DOCK4: variants seen among roughly 807,000 people sequenced by gnomAD.
DOCK4 encodes the protein dedicator of cytokinesis protein 4.
DOCK4 carries 97 observed loss-of-function variants against 268.1 expected under a neutral mutation model. The observed-to-expected ratio is 0.36, with a 90% CI of 0.31 to 0.43. The LOEUF (loss-of-function observed/expected upper bound fraction) is 0.43. Among genes scored for constraint, DOCK4 ranks in the 20% least tolerant of loss-of-function variants. DOCK4 has a pLI of 1.00. For synonymous variants in DOCK4, 954 were observed against 887.2 expected, an observed-to-expected ratio of 1.08 and a Z score of -1.34; for missense variants, 2,145 against 2,455.7, an observed-to-expected ratio of 0.87 and a Z score of 2.67.
chr7:112,048,034 A>G (rs1186338044), intron 1 of DOCK4, among the ~76,000 whole-genome samples: 1 of 152,150 alleles, frequency 6.6e-6, no homozygotes, highest in East Asian at 1.9e-4. Flanking sequence ...TGTGAGGACA[A>G]TGTCTCGTGG....
intron 8 of DOCK4, among the ~76,000 whole-genome samples, chr7:111,972,502 T>A (rs936811295): frequency 1.3e-4 from 20 of 152,114 alleles, no homozygotes; most frequent in African/African-American, 3.6e-4. Flanking sequence ...ATTTTTTTTT[T>A]AAAGTACTAA....
At chr7:112,023,047 C>T (rs779426575) in intron 1 of DOCK4, among the ~76,000 whole-genome samples, 51 of 152,096 alleles carry the variant, frequency 3.4e-4, no homozygotes, top group Non-Finnish European at 7.1e-4. Context: ...CCTGCCTTTG[C>T]CTCCCGAGTA....
At chr7:112,006,295 T>C (rs1456595219) in intron 1 of DOCK4, among the ~76,000 whole-genome samples, 1 of 152,176 alleles carries the variant, frequency 6.6e-6, no homozygotes, top group East Asian at 1.9e-4. Flanking sequence ...AATGAGGGTA[T>C]GGTTTAAGGG....
intron 1 of DOCK4, among the ~76,000 whole-genome samples, chr7:112,192,468 G>C (rs539383895): frequency 6.6e-6 from 1 of 151,870 alleles, no homozygotes; most frequent in Non-Finnish European, 1.5e-5. Context: ...CAGGATATGA[G>C]ACACTCTTTC....
intron 1 of DOCK4, among the ~76,000 whole-genome samples, chr7:112,100,182 T>G (rs1366137965): frequency 2.0e-5 from 3 of 152,236 alleles, no homozygotes; most frequent in African/African-American, 7.2e-5. Flanking sequence ...AACATTTTGA[T>G]ACAGTTGAGG....
chr7:111,785,264 T>TA (rs1799086413), intron 32 of DOCK4, among the ~76,000 whole-genome samples: 1 of 152,194 alleles, frequency 6.6e-6, no homozygotes, highest in Non-Finnish European at 1.5e-5. Context: ...TGTTTTCTTT[T>TA]AAAAACCTCT....
intron 1 of DOCK4, among the ~76,000 whole-genome samples, chr7:112,194,825 A>T (rs1049075493): frequency 5.9e-5 from 9 of 152,206 alleles, no homozygotes; most frequent in Non-Finnish European, 8.8e-5. Flanking sequence ...TCCCATTTTA[A>T]AACTCATTAC....
intron 49 of DOCK4, among the ~76,000 whole-genome samples, chr7:111,737,782 G>A (rs1164963474): frequency 6.6e-6 from 1 of 152,202 alleles, no homozygotes; most frequent in African/African-American, 2.4e-5. Flanking sequence ...GGCTTTCAGA[G>A]TTGCCCATGC....
intron 1 of DOCK4, among the ~76,000 whole-genome samples, chr7:112,172,589 C>A (rs149419393): frequency 2.0e-5 from 3 of 152,242 alleles, no homozygotes; most frequent in South Asian, 4.2e-4. Context: ...CAGAACCAGA[C>A]AACACTAATT....
Position 111,834,618 on chromosome 7 carries a change from A to C in DOCK4, c.2805T>G (p.Leu935=), listed in dbSNP as rs374947618. ...QMTDRHYQQL[L]DSFNTKEELR... ...GTTCTTCCTTTGTATTAAAACTATCAAGAAGCTGTTGATAATGTCTATCTG... is the reference window on the plus strand; with the variant it reads ...GTTCTTCCTTTGTATTAAAACTATCCAGAAGCTGTTGATAATGTCTATCTG... The change falls in exon 26 of 53, where the codon CTT becomes CTG. Residue 935 remains leucine, a synonymous_variant. Coordinates refer to ENST00000428084, the MANE Select transcript of DOCK4 (RefSeq NM_001363540.2). The C allele has an allele frequency of 4.5e-6, 7 of 1,558,216 alleles. No individual in the cohort carries two copies. The highest frequency in any genetic ancestry group is 6.1e-6 in the Non-Finnish European group (7 of 1,150,146).
intron 12 of DOCK4, among the ~76,000 whole-genome samples, chr7:111,919,932 C>G (rs913277547): frequency 6.6e-6 from 1 of 152,118 alleles, no homozygotes; most frequent in Non-Finnish European, 1.5e-5. Context: ...TACAGTGGTC[C>G]TTAATTGTCA....
chr7:111,997,671 T>C (rs989143961), intron 4 of DOCK4, among the ~76,000 whole-genome samples: 6 of 152,356 alleles, frequency 3.9e-5, no homozygotes, highest in African/African-American at 1.4e-4. Context: ...AAAAATATAA[T>C]TTCTATGGCT....
chr7:112,081,708 A>G (rs1325334067), intron 1 of DOCK4, among the ~76,000 whole-genome samples: 1 of 152,160 alleles, frequency 6.6e-6, no homozygotes, highest in Non-Finnish European at 1.5e-5. Flanking sequence ...CTCCACACAC[A>G]GCTGATGTTT....
intron 36 of DOCK4, among the ~76,000 whole-genome samples, chr7:111,773,844 C>G (rs952047998): frequency 7.9e-5 from 12 of 151,654 alleles, no homozygotes; most frequent in African/African-American, 2.9e-4. Context: ...TGGCAAAACC[C>G]TGTCCCTACC....
intron 1 of DOCK4, among the ~76,000 whole-genome samples, chr7:112,006,710 A>G (rs1239911460): frequency 6.6e-6 from 1 of 152,208 alleles, no homozygotes; most frequent in Non-Finnish European, 1.5e-5. Context: ...CAGCAGTGAC[A>G]TGGCATAGTA....
At chr7:111,812,765 G>A (rs185402917) in intron 27 of DOCK4, among the ~76,000 whole-genome samples, 1 of 152,196 alleles carries the variant, frequency 6.6e-6, no homozygotes, top group Non-Finnish European at 1.5e-5. Flanking sequence ...AGGGTGACAA[G>A]ACTGCCACTA....
At chr7:111,854,034 G>A (rs1299711288) in intron 23 of DOCK4, among the ~76,000 whole-genome samples, 5 of 151,852 alleles carry the variant, frequency 3.3e-5, no homozygotes, top group Admixed American at 6.6e-5. Context: ...AGGTGCAAGT[G>A]ATTCTCCTGC....
intron 1 of DOCK4, among the ~76,000 whole-genome samples, chr7:112,177,278 A>G (rs1403797698): frequency 6.6e-6 from 1 of 152,196 alleles, no homozygotes; most frequent in Non-Finnish European, 1.5e-5. Flanking sequence ...TTAGGCAAGT[A>G]ACCTTTCTAA....
Position 112,164,155 on chromosome 7 carries a change from G to T in DOCK4, c.37+41947C>A, listed in dbSNP as rs549355376. 3.9e-5 allele frequency among the ~76,000 whole-genome samples: 6 copies of T among 152,106 alleles called. No individual in the cohort carries two copies. The South Asian group carries it at 1.2e-3, about 32-fold the overall frequency. ...TTTTTAATTAGCTGGGTGTGGTGGC[G>T]CATGCCTCTAGGAGGCTGAGGTGGG... On this transcript the variant is annotated intron_variant, in intron 1 of 52. Coordinates refer to ENST00000428084, the MANE Select transcript of DOCK4 (RefSeq NM_001363540.2).
Sources: gnomAD v4.1 joint callset for allele counts (sites outside exome capture counted in the v4.1 genomes callset) on GRCh38, gnomAD v4.1.1 for gene constraint, MANE v1.5 for transcripts, NCBI Gene and HGNC (gene_info 2026-07-23, HGNC 2026-07-21) for gene names.